Variants in KCNIP4 observed in about 807,000 individuals in gnomAD.
KCNIP4 encodes the protein Kv channel-interacting protein 4.
A neutral mutation model predicts 34.0 loss-of-function variants in KCNIP4; 12 were observed. The ratio of observed to expected loss-of-function variants is 0.35; its 90% CI spans 0.23 to 0.57. The LOEUF (loss-of-function observed/expected upper bound fraction) is 0.57, where lower values mean the gene tolerates loss of function less well. Among genes scored for constraint, KCNIP4 ranks in the 20% least tolerant of loss-of-function variants. The probability of loss-of-function intolerance (pLI) is 0.83; values close to 1 mark genes in which losing one functional copy is unlikely to be tolerated. For missense variants in KCNIP4, 238 were observed against 311.7 expected (o/e 0.76, Z 1.78); for synonymous variants, 124 against 102.2 (o/e 1.21, Z -1.29).
intron 3 of KCNIP4, among the ~76,000 whole-genome samples, chr4:20,847,288 G>A (rs983479140): frequency 6.6e-6 from 1 of 152,118 alleles, no homozygotes; most frequent in African/African-American, 2.4e-5. Flanking sequence ...CATGACCTGA[G>A]GCTGAGTGAC....
At chr4:21,266,368 C>T (rs1030532156) in intron 1 of KCNIP4, among the ~76,000 whole-genome samples, 1 of 151,552 alleles carries the variant, frequency 6.6e-6, no homozygotes, top group African/African-American at 2.4e-5. Flanking sequence ...ACTAAAGTAA[C>T]AAATTATTCC....
intron 1 of KCNIP4, among the ~76,000 whole-genome samples, chr4:20,991,408 G>C (rs921582609): frequency 2.0e-5 from 3 of 152,092 alleles, no homozygotes; most frequent in African/African-American, 4.8e-5. Context: ...AAGGAGAAAA[G>C]ATGAAGGGAA....
intron 5 of KCNIP4, among the ~76,000 whole-genome samples, chr4:20,746,902 A>G (rs191151384): frequency 1.3e-4 from 20 of 152,274 alleles, no homozygotes; most frequent in Admixed American, 9.8e-4. Context: ...TGCTATTGCT[A>G]TTATTCAAAA....
chr4:20,749,035 G>A (rs1753059634), intron 5 of KCNIP4, among the ~76,000 whole-genome samples: 1 of 151,742 alleles, frequency 6.6e-6, no homozygotes, highest in African/African-American at 2.4e-5. Flanking sequence ...GCACGGGCCT[G>A]TAATCCCAGC....
chr4:21,506,710 C>A lies in KCNIP4; in HGVS notation c.61+441861G>T, dbSNP rs118035152. ...TATCATTGTTCCATTAAATATAATG[C>A]AAACTGCATGTACAATTGTAAATGT... is the stretch of plus-strand genomic sequence containing the variant. On this transcript the variant is annotated intron_variant, in intron 1 of 8. Coordinates refer to ENST00000382152, the MANE Select transcript of KCNIP4 (RefSeq NM_025221.6). Among the ~76,000 whole-genome samples, 4 of 152,272 alleles carry A rather than the reference C, an allele frequency of 2.6e-5. No homozygotes were observed. The South Asian group carries it at 8.3e-4, about 32-fold the overall frequency.
At chr4:21,074,600 A>G (rs1745304394) in intron 1 of KCNIP4, among the ~76,000 whole-genome samples, 1 of 152,048 alleles carries the variant, frequency 6.6e-6, no homozygotes, top group South Asian at 2.1e-4. Flanking sequence ...TCCTGGAGTC[A>G]TTGATTTTTT....
chr4:21,248,932 T>C (rs1214256513), intron 1 of KCNIP4, among the ~76,000 whole-genome samples: 1 of 152,200 alleles, frequency 6.6e-6, no homozygotes, highest in Non-Finnish European at 1.5e-5. Context: ...GCTTTCGCTG[T>C]TGTATCTCCC....
At chr4:21,748,950 T>C (rs1420533747) in intron 1 of KCNIP4, among the ~76,000 whole-genome samples, 1 of 152,072 alleles carries the variant, frequency 6.6e-6, no homozygotes, top group Non-Finnish European at 1.5e-5. Flanking sequence ...ATGTAAGTAA[T>C]AACCACAGTA....
chr4:20,816,234 A>G (rs2149439190), intron 3 of KCNIP4, among the ~76,000 whole-genome samples: 1 of 151,354 alleles, frequency 6.6e-6, no homozygotes, highest in Admixed American at 6.6e-5. Context: ...AGCCTGGGCA[A>G]CAGAGTAAGA....
chr4:21,763,406 T>C (rs1718188198), intron 1 of KCNIP4, among the ~76,000 whole-genome samples: 1 of 152,204 alleles, frequency 6.6e-6, no homozygotes, highest in African/African-American at 2.4e-5. Flanking sequence ...GGTTTAATCA[T>C]TCCTTTCTTT....
At chr4:21,576,152 C>T (rs1740728271) in intron 1 of KCNIP4, among the ~76,000 whole-genome samples, 2 of 152,156 alleles carry the variant, frequency 1.3e-5, no homozygotes, top group South Asian at 4.1e-4. Flanking sequence ...GTAAATGCTG[C>T]TACTCAACAT....
chr4:20,855,343 G>A (rs1052954141), intron 2 of KCNIP4, among the ~76,000 whole-genome samples: 18 of 152,116 alleles, frequency 1.2e-4, no homozygotes, highest in African/African-American at 4.3e-4. Context: ...ATGAAGCCTT[G>A]GCTTCCCCTT....
At chr4:21,526,903 T>G (rs966998880) in intron 1 of KCNIP4, among the ~76,000 whole-genome samples, 3 of 152,194 alleles carry the variant, frequency 2.0e-5, no homozygotes, top group Non-Finnish European at 4.4e-5. Flanking sequence ...TGTGAGGAAA[T>G]GCTTTTTCCT....
intron 1 of KCNIP4, among the ~76,000 whole-genome samples, chr4:21,396,449 A>G (rs4621417): frequency 0.76 from 114,492 of 150,384 alleles, 45,361 homozygotes; most frequent in Non-Finnish European, 0.89. Context: ...CCAGCTGCTC[A>G]GGAGGCTGAG....
intron 1 of KCNIP4, among the ~76,000 whole-genome samples, chr4:21,832,902 C>T (rs1723084821): frequency 6.6e-6 from 1 of 150,978 alleles, no homozygotes; most frequent in South Asian, 2.1e-4. Context: ...CATCCATGTC[C>T]CTACAAAGGA....
intron 1 of KCNIP4, among the ~76,000 whole-genome samples, chr4:21,818,211 T>C (rs1024362124): frequency 1.3e-5 from 2 of 152,138 alleles, no homozygotes; most frequent in African/African-American, 4.8e-5. Context: ...TTATGGAAAA[T>C]AGAAAGAACC....
intron 3 of KCNIP4, among the ~76,000 whole-genome samples, chr4:20,764,068 T>C (rs1578562112): frequency 6.6e-6 from 1 of 152,190 alleles, no homozygotes; most frequent in Non-Finnish European, 1.5e-5. Flanking sequence ...GCCTCACTCA[T>C]CCATCTTCTG....
intron 1 of KCNIP4, among the ~76,000 whole-genome samples, chr4:21,469,412 G>A (rs1026954682): frequency 1.3e-5 from 2 of 152,038 alleles, no homozygotes; most frequent in African/African-American, 4.8e-5. Context: ...TTCTTCCCAA[G>A]TTAATCATCA....
intron 1 of KCNIP4, among the ~76,000 whole-genome samples, chr4:21,280,069 G>A (rs1326960506): frequency 6.6e-6 from 1 of 152,076 alleles, no homozygotes; most frequent in Admixed American, 6.6e-5. Context: ...AAATATTGCA[G>A]GGCTTTTTGA....
Sources: gnomAD v4.1 joint callset for allele counts (sites outside exome capture counted in the v4.1 genomes callset) on GRCh38, gnomAD v4.1.1 for gene constraint, MANE v1.5 for transcripts, NCBI Gene and HGNC (gene_info 2026-07-23, HGNC 2026-07-21) for gene names.